Variants in ACBD6 observed in about 807,000 individuals in gnomAD.
ACBD6 encodes acyl-CoA binding domain containing 6, also known as acyl-CoA-binding domain-containing protein 6.
A neutral mutation model predicts 37.2 loss-of-function variants in ACBD6; 28 were observed. The observed-to-expected ratio is 0.75, with a 90% CI of 0.56 to 1.03. The LOEUF (loss-of-function observed/expected upper bound fraction) is 1.03. ACBD6 is among the 50% of genes least tolerant of loss of function. ACBD6 has a pLI of 0.00. For missense variants in ACBD6, 340 were observed against 337.4 expected (o/e 1.01, Z -0.06); for synonymous variants, 113 against 126.8 (o/e 0.89, Z 0.73).
chr1:180,435,043 T>C (rs532769158), intron 3 of ACBD6: 174 of 930,254 alleles, frequency 1.9e-4, no homozygotes, highest in Admixed American at 4.8e-4. Context: ...GGCACCGAGA[T>C]TACCGTGGAA....
chr1:180,351,967 T>C (rs1030999883), intron 6 of ACBD6, among the ~76,000 whole-genome samples: 1 of 152,172 alleles, frequency 6.6e-6, no homozygotes, highest in Admixed American at 6.5e-5. Context: ...TTATTTGGCC[T>C]CAAAAAGGAA....
At chr1:180,279,944 G>A (rs1227682931) in intron 9 of ACBD6, among the ~76,000 whole-genome samples, 4 of 152,128 alleles carry the variant, frequency 2.6e-5, no homozygotes, top group Non-Finnish European at 5.9e-5. Flanking sequence ...TTTGGCTGAA[G>A]AGAAGATCCA....
chr1:180,286,478 A>C (rs758638997), downstream of ACBD6, among the ~76,000 whole-genome samples: 2 of 152,228 alleles, frequency 1.3e-5, no homozygotes, highest in African/African-American at 4.8e-5. Context: ...CTAATGTCTT[A>C]AAAAATGCAC....
intron 8 of ACBD6, among the ~76,000 whole-genome samples, chr1:180,281,763 GAAA>G (rs368286679): frequency 0.012 from 1,730 of 148,414 alleles, 40 homozygotes; most frequent in African/African-American, 0.04. Flanking sequence ...TTAGGAGGGA[GAAA>G]AAAAAAATCA....
chr1:180,338,838 AAAAC>A (rs1430925539), intron 6 of ACBD6, among the ~76,000 whole-genome samples: 6 of 148,812 alleles, frequency 4.0e-5, no homozygotes, highest in African/African-American at 9.7e-5. Context: ...TTATAAGAAA[AAAAC>A]AAACAACCCC....
intron 3 of ACBD6, among the ~76,000 whole-genome samples, chr1:180,489,097 C>T (rs1162974587): frequency 1.3e-5 from 2 of 151,846 alleles, no homozygotes; most frequent in East Asian, 3.9e-4. Flanking sequence ...ACCTGGGAGG[C>T]GGAGGGTGCA....
rs905162542 is a variant in ACBD6, at chr1:180,274,712, T to C, written c.*875A>G. The stretch of plus-strand genomic sequence containing the variant: ...ATTATTTTCAATGGAAGTCCTCCGC[T>C]GATTCCTAGAAGGCTGTGAGACCAC... On this transcript the variant is annotated 3_prime_UTR_variant, in exon 10 of 14. Transcript: ENST00000642319. 2.7e-6 allele frequency: 3 copies of C among 1,104,086 alleles called. No homozygotes were observed. The Admixed American group carries it at 7.4e-5, about 27-fold the overall frequency. 68.4% of individuals were successfully genotyped at this position (1,104,086 alleles called of 1,614,324 possible).
At chr1:180,470,542 G>T (rs1031436859) in intron 3 of ACBD6, among the ~76,000 whole-genome samples, 2 of 152,134 alleles carry the variant, frequency 1.3e-5, no homozygotes, top group Non-Finnish European at 2.9e-5. Flanking sequence ...TTAAATACAG[G>T]ACTCTGCATG....
intron 3 of ACBD6, among the ~76,000 whole-genome samples, chr1:180,492,024 G>T (rs984177373): frequency 6.6e-6 from 1 of 152,072 alleles, no homozygotes; most frequent in African/African-American, 2.4e-5. Flanking sequence ...TGGCCAGGCC[G>T]GTCTTGAACT....
chr1:180,404,737 C>T (rs1415305164), intron 5 of ACBD6, among the ~76,000 whole-genome samples: 1 of 152,132 alleles, frequency 6.6e-6, no homozygotes, highest in Non-Finnish European at 1.5e-5. Context: ...GGATGACAAG[C>T]GTGAGCCACA....
chr1:180,296,147 TAGA>T (rs1477795360), intron 7 of ACBD6, among the ~76,000 whole-genome samples: 1 of 152,120 alleles, frequency 6.6e-6, no homozygotes, highest in Non-Finnish European at 1.5e-5. Flanking sequence ...GTGGTCTGGG[TAGA>T]AGATCAAACC....
intron 2 of ACBD6, 31 bp from the exon 3 acceptor site, chr1:180,492,396 CATT>C: frequency 6.5e-7 from 1 of 1,536,530 alleles, no homozygotes; most frequent in South Asian, 1.1e-5. Flanking sequence ...AATGGCCTGT[CATT>C]ATGCAAATAA....
intron 6 of ACBD6, among the ~76,000 whole-genome samples, chr1:180,354,993 T>TTA (rs2101896897): frequency 6.6e-6 from 1 of 152,336 alleles, no homozygotes; most frequent in South Asian, 2.1e-4. Flanking sequence ...TAATAATACC[T>TTA]TATTTTGTAT....
At chr1:180,323,037 C>T (rs1651132535) in intron 6 of ACBD6, among the ~76,000 whole-genome samples, 1 of 151,702 alleles carries the variant, frequency 6.6e-6, no homozygotes, top group Non-Finnish European at 1.5e-5. Flanking sequence ...CTGTATCTTA[C>T]AGGTTTTGGT....
chr1:180,366,953 C>T (rs976311262), intron 6 of ACBD6, among the ~76,000 whole-genome samples: 5 of 152,142 alleles, frequency 3.3e-5, no homozygotes, highest in African/African-American at 1.2e-4. Context: ...GGGCTGTGAA[C>T]CCTGGTTATA....
intron 3 of ACBD6, among the ~76,000 whole-genome samples, chr1:180,468,510 T>C (rs149694678): frequency 6.6e-6 from 1 of 152,352 alleles, no homozygotes; most frequent in East Asian, 1.9e-4. Context: ...CCAACAAGTC[T>C]TCTAATTCAA....
chr1:180,313,567 A>G (rs1650675736), intron 7 of ACBD6, among the ~76,000 whole-genome samples: 1 of 152,228 alleles, frequency 6.6e-6, no homozygotes. Context: ...GTCCAGGGTC[A>G]TTTGAGCCAC....
chr1:180,379,037 G>A (rs1653547292), intron 6 of ACBD6, among the ~76,000 whole-genome samples: 1 of 152,102 alleles, frequency 6.6e-6, no homozygotes, highest in Non-Finnish European at 1.5e-5. Flanking sequence ...TAATACCAAT[G>A]CCAGGGTACA....
intron 6 of ACBD6, among the ~76,000 whole-genome samples, chr1:180,386,726 A>G (rs1653858916): frequency 6.6e-6 from 1 of 151,940 alleles, no homozygotes; most frequent in African/African-American, 2.4e-5. Flanking sequence ...TTTTTATTTC[A>G]GCTATTATAT....
Sources: allele counts gnomAD v4.1 joint callset (sites outside exome capture counted in the v4.1 genomes callset), GRCh38; gene constraint gnomAD v4.1.1; transcripts MANE v1.5; gene names NCBI Gene and HGNC (gene_info 2026-07-23, HGNC 2026-07-21).